NAALADL2: variants seen among roughly 807,000 people sequenced by gnomAD.
NAALADL2 encodes inactive N-acetylated-alpha-linked acidic dipeptidase-like protein 2.
NAALADL2 carries 76 observed loss-of-function variants against 87.2 expected under a neutral mutation model. That is an observed-to-expected ratio of 0.87 (90% confidence interval 0.72 to 1.05). NAALADL2 has a LOEUF of 1.05. Among genes scored for constraint, NAALADL2 ranks in the 50% least tolerant of loss-of-function variants. NAALADL2 has a pLI of 0.00. For synonymous variants in NAALADL2, 354 were observed against 331.0 expected (o/e 1.07, Z -0.75); for missense variants, 1,089 against 945.8 (o/e 1.15, Z -1.99).
intron 1 of NAALADL2, among the ~76,000 whole-genome samples, chr3:174,949,670 G>T (rs538145188): frequency 6.6e-6 from 1 of 152,130 alleles, no homozygotes; most frequent in African/African-American, 2.4e-5. Context: ...CCTTTACAAA[G>T]GAATGTTAGT....
intron 12 of NAALADL2, among the ~76,000 whole-genome samples, chr3:175,744,207 A>G (rs545450263): frequency 8.5e-5 from 13 of 152,362 alleles, no homozygotes; most frequent in Non-Finnish European, 1.9e-4. Flanking sequence ...AGGAGGAACA[A>G]AACAAAACAG....
At chr3:174,798,778 T>C (rs1369230601) in intron 3 of NAALADL2, among the ~76,000 whole-genome samples, 3 of 152,226 alleles carry the variant, frequency 2.0e-5, no homozygotes, top group African/African-American at 7.2e-5. Flanking sequence ...TGTATTCTGC[T>C]ACCTTGCTGA....
At chr3:174,605,883 C>T (rs1435909945) in intron 2 of NAALADL2, among the ~76,000 whole-genome samples, 2 of 152,180 alleles carry the variant, frequency 1.3e-5, no homozygotes, top group African/African-American at 4.8e-5. Context: ...GGTCCCTGAC[C>T]CCTGATCCCC....
intron 9 of NAALADL2, among the ~76,000 whole-genome samples, chr3:175,521,933 A>G (rs1381220476): frequency 1.3e-5 from 2 of 152,198 alleles, no homozygotes; most frequent in Non-Finnish European, 2.9e-5. Flanking sequence ...GATTTTTATT[A>G]AATAGGAAAA....
chr3:175,329,486 G>A (rs1331075097), intron 5 of NAALADL2, among the ~76,000 whole-genome samples: 3 of 152,214 alleles, frequency 2.0e-5, no homozygotes, highest in African/African-American at 2.4e-5. Flanking sequence ...GACAAATATC[G>A]AAAGACTGAC....
At chr3:175,370,755 A>G (rs1009026512) in intron 5 of NAALADL2, among the ~76,000 whole-genome samples, 6 of 152,218 alleles carry the variant, frequency 3.9e-5, no homozygotes, top group African/African-American at 9.6e-5. Flanking sequence ...ACCTTATTAC[A>G]AAAGACATTC....
intron 5 of NAALADL2, among the ~76,000 whole-genome samples, chr3:175,341,420 C>G (rs562992607): frequency 6.6e-6 from 1 of 152,158 alleles, no homozygotes; most frequent in African/African-American, 2.4e-5. Context: ...GACATTTGGT[C>G]TTTTTTCACT....
chr3:175,236,268 TAGC>T (rs1194020321), intron 3 of NAALADL2, among the ~76,000 whole-genome samples: 1 of 152,098 alleles, frequency 6.6e-6, no homozygotes, highest in Non-Finnish European at 1.5e-5. Flanking sequence ...ATGCCTGTAA[TAGC>T]AGCACTTTGG....
chr3:175,163,393 T>C (rs1401676174), intron 2 of NAALADL2, among the ~76,000 whole-genome samples: 1 of 152,068 alleles, frequency 6.6e-6, no homozygotes, highest in Non-Finnish European at 1.5e-5. Flanking sequence ...AAGTAGTTGT[T>C]TGCAAATGTA....
intron 2 of NAALADL2, among the ~76,000 whole-genome samples, chr3:175,126,542 A>G (rs1349447761): frequency 1.3e-5 from 2 of 152,166 alleles, no homozygotes; most frequent in African/African-American, 4.8e-5. Flanking sequence ...AGGAAAATAT[A>G]TATATTTCAA....
intron 1 of NAALADL2, among the ~76,000 whole-genome samples, chr3:174,976,747 G>C (rs1362719514): frequency 6.6e-6 from 1 of 152,264 alleles, no homozygotes; most frequent in East Asian, 1.9e-4. Context: ...GCAAAATATT[G>C]TTAGAGACCC....
chr3:174,767,389 C>A (rs958434225), intron 3 of NAALADL2, among the ~76,000 whole-genome samples: 13 of 152,142 alleles, frequency 8.5e-5, no homozygotes, highest in Non-Finnish European at 7.4e-5. Context: ...GGAAACACAT[C>A]ACTCTAAACT....
At chr3:175,563,641 T>C (rs1363457177) in intron 9 of NAALADL2, among the ~76,000 whole-genome samples, 1 of 152,140 alleles carries the variant, frequency 6.6e-6, no homozygotes, top group Non-Finnish European at 1.5e-5. Context: ...CTGATCAATA[T>C]AGGGGCAATA....
chr3:174,534,818 A>G (rs1403974573), intron 1 of NAALADL2, among the ~76,000 whole-genome samples: 1 of 152,206 alleles, frequency 6.6e-6, no homozygotes, highest in Non-Finnish European at 1.5e-5. Context: ...CTTGTAAAGA[A>G]GAGAAAAAAA....
intron 11 of NAALADL2, among the ~76,000 whole-genome samples, chr3:175,699,326 TATC>T (rs947476749): frequency 1.6e-4 from 24 of 152,008 alleles, no homozygotes; most frequent in African/African-American, 5.6e-4. Context: ...GTTTTCCTAT[TATC>T]CATATAGATG....
chr3:175,126,039 A>G (rs1237035158), intron 2 of NAALADL2, among the ~76,000 whole-genome samples: 1 of 152,132 alleles, frequency 6.6e-6, no homozygotes, highest in African/African-American at 2.4e-5. Context: ...CAACTTTGTC[A>G]AAATGCCCTT....
At position 175,500,739 on chromosome 3, in the gene NAALADL2, G is replaced by A. The variant is rs372303293; in HGVS notation, c.1653+28981G>A. The stretch of plus-strand genomic sequence containing the variant: ...CCATCTTACAGATGAAGAAAGTGGC[G>A]CATAGAGAAATTAAGATACTTAAAA... On this transcript the variant is annotated intron_variant, in intron 9 of 13. Coordinates refer to ENST00000454872, the MANE Select transcript of NAALADL2 (RefSeq NM_207015.3). Among the ~76,000 whole-genome samples the A allele has an allele frequency of 2.8e-4, 42 of 152,058 alleles. 1 individual carries two copies. The East Asian group carries it at 5.4e-3, about 20-fold the overall frequency.
At chr3:175,643,495 C>G (rs926162385) in intron 11 of NAALADL2, among the ~76,000 whole-genome samples, 3 of 152,136 alleles carry the variant, frequency 2.0e-5, no homozygotes, top group African/African-American at 7.2e-5. Context: ...GCTTACTGCA[C>G]CTACTTCGCA....
chr3:175,525,966 A>G (rs1419231830), intron 9 of NAALADL2, among the ~76,000 whole-genome samples: 6 of 152,222 alleles, frequency 3.9e-5, no homozygotes, highest in African/African-American at 1.2e-4. Flanking sequence ...TTGGGAAAGT[A>G]CTTCCAAGAT....
Sources: gnomAD v4.1 joint callset for allele counts (sites outside exome capture counted in the v4.1 genomes callset) on GRCh38, gnomAD v4.1.1 for gene constraint, MANE v1.5 for transcripts, NCBI Gene and HGNC (gene_info 2026-07-23, HGNC 2026-07-21) for gene names.